LHFPL6: variants seen among roughly 807,000 people sequenced by gnomAD.
The protein encoded by LHFPL6 is LHFPL tetraspan subfamily member 6 protein.
A neutral mutation model predicts 20.6 loss-of-function variants in LHFPL6; 9 were observed. The ratio of observed to expected loss-of-function variants is 0.44; its 90% CI spans 0.26 to 0.76. The LOEUF is 0.76. LHFPL6 is among the 30% of genes least tolerant of loss of function. LHFPL6 has a pLI of 0.20. For missense variants in LHFPL6, 218 were observed against 253.5 expected (o/e 0.86, Z 0.95); for synonymous variants, 105 against 98.7 (o/e 1.06, Z -0.38).
rs139531922 is a variant in LHFPL6 at position 39,566,777 on chromosome 13, T to C, written c.385+34055A>G. Among the ~76,000 whole-genome samples the C allele has an allele frequency of 1.6e-3, 236 of 148,678 alleles. 3 individuals carry two copies. Among genetic ancestry groups the C allele is most frequent in the Middle Eastern group, 7.1e-3 (2 of 282 alleles). Reference sequence around the variant, plus strand: ...AAAAAAAAATTTGCTTTAAAGGGCATTGTAGGAAAATTGAAAGTGACCTCT... The same window carrying C: ...AAAAAAAAATTTGCTTTAAAGGGCACTGTAGGAAAATTGAAAGTGACCTCT... On this transcript the variant is annotated intron_variant, in intron 2 of 3. Coordinates refer to ENST00000379589, the MANE Select transcript of LHFPL6 (RefSeq NM_005780.3).
chr13:39,583,972 C>A (rs1395468281), intron 2 of LHFPL6, among the ~76,000 whole-genome samples: 1 of 152,124 alleles, frequency 6.6e-6, no homozygotes, highest in Non-Finnish European at 1.5e-5. Flanking sequence ...CCTCCTCCTC[C>A]GTGTCAGGCC....
intron 2 of LHFPL6, among the ~76,000 whole-genome samples, chr13:39,451,222 GA>G (rs1872437758): frequency 6.6e-6 from 1 of 152,108 alleles, no homozygotes; most frequent in Non-Finnish European, 1.5e-5. Flanking sequence ...ATAGTTTACA[GA>G]GTCAATGGAA....
At chr13:39,599,896 A>G (rs186352853) in intron 2 of LHFPL6, among the ~76,000 whole-genome samples, 1 of 152,360 alleles carries the variant, frequency 6.6e-6, no homozygotes, top group Admixed American at 6.5e-5. Context: ...CTTTGTAATG[A>G]AGTTCCAAAT....
chr13:39,445,979 TAGAAGG>T (rs1447422770), intron 2 of LHFPL6, among the ~76,000 whole-genome samples: 2 of 152,190 alleles, frequency 1.3e-5, no homozygotes, highest in Non-Finnish European at 2.9e-5. Flanking sequence ...CTAATAATCT[TAGAAGG>T]AGAATTAAAA....
chr13:39,383,437 T>A (rs1332197562), intron 2 of LHFPL6, among the ~76,000 whole-genome samples: 1 of 152,210 alleles, frequency 6.6e-6, no homozygotes, highest in East Asian at 1.9e-4. Flanking sequence ...TAAATACAAC[T>A]CAAAAATTCA....
At chr13:39,345,797 A>C (rs1194431470) in intron 3 of LHFPL6, among the ~76,000 whole-genome samples, 1 of 152,116 alleles carries the variant, frequency 6.6e-6, no homozygotes, top group Non-Finnish European at 1.5e-5. Context: ...GACCAGCTGC[A>C]CTTGTCTGTA....
intron 2 of LHFPL6, among the ~76,000 whole-genome samples, chr13:39,386,376 C>T (rs1019897818): frequency 6.6e-6 from 1 of 151,762 alleles, no homozygotes; most frequent in African/African-American, 2.4e-5. Flanking sequence ...ATTCTTTAGT[C>T]TACAAAAAAA....
chr13:39,579,097 TG>T (rs1485625418), intron 2 of LHFPL6, among the ~76,000 whole-genome samples: 1 of 152,162 alleles, frequency 6.6e-6, no homozygotes, highest in Admixed American at 6.5e-5. Flanking sequence ...CAGTAGTGCC[TG>T]GGGTAACACT....
rs554493415 is a variant in LHFPL6 at position 39,513,295 on chromosome 13, T to C, written c.385+87537A>G. ...CCCTTCTTATAAAATTACATGGGAT[T>C]CTGACCTAAAACAATTATTGTGTTC... On this transcript the variant is annotated intron_variant, in intron 2 of 3. Transcript: ENST00000379589. Among the ~76,000 whole-genome samples the C allele has an allele frequency of 1.6e-3, 239 of 152,352 alleles. 1 individual carries two copies. Among genetic ancestry groups the C allele is most frequent in the African/African-American group, 5.6e-3 (232 of 41,578 alleles).
chr13:39,536,342 T>G (rs1027192464), intron 2 of LHFPL6, among the ~76,000 whole-genome samples: 1 of 152,076 alleles, frequency 6.6e-6, no homozygotes, highest in Non-Finnish European at 1.5e-5. Flanking sequence ...ACCACTCAGA[T>G]CTCCCTTCGA....
chr13:39,493,400 T>C (rs1342318079), intron 2 of LHFPL6, among the ~76,000 whole-genome samples: 1 of 152,004 alleles, frequency 6.6e-6, no homozygotes, highest in Non-Finnish European at 1.5e-5. Context: ...ACAGTAAGAC[T>C]GCTAAAAGGC....
At chr13:39,581,209 TC>T (rs1420780960) in intron 2 of LHFPL6, among the ~76,000 whole-genome samples, 1 of 152,164 alleles carries the variant, frequency 6.6e-6, no homozygotes, top group African/African-American at 2.4e-5. Flanking sequence ...CATCTTAGAA[TC>T]CCATCAGATT....
intron 2 of LHFPL6, among the ~76,000 whole-genome samples, chr13:39,497,811 A>C (rs1448051594): frequency 6.6e-6 from 1 of 152,180 alleles, no homozygotes. Context: ...CAGAGATGAC[A>C]GTAATAGCAT....
chr13:39,499,879 G>A (rs546201661), intron 2 of LHFPL6, among the ~76,000 whole-genome samples: 289 of 152,340 alleles, frequency 1.9e-3, no homozygotes, highest in African/African-American at 6.8e-3. Context: ...GTCACGTGCA[G>A]CTGAAACGGT....
chr13:39,347,761 G>A (rs892121530), intron 3 of LHFPL6, among the ~76,000 whole-genome samples: 1 of 152,182 alleles, frequency 6.6e-6, no homozygotes, highest in African/African-American at 2.4e-5. Context: ...ACACCTATGA[G>A]GGGGAATTAA....
chr13:39,599,309 T>C (rs1438882121), intron 2 of LHFPL6, among the ~76,000 whole-genome samples: 3 of 152,236 alleles, frequency 2.0e-5, no homozygotes, highest in East Asian at 1.9e-4. Flanking sequence ...ACTTTATTCT[T>C]ACAGAAAAAA....
chr13:39,398,311 T>G (rs1250394728), intron 2 of LHFPL6, among the ~76,000 whole-genome samples: 1 of 152,230 alleles, frequency 6.6e-6, no homozygotes, highest in Non-Finnish European at 1.5e-5. Flanking sequence ...TAAGAAAGAA[T>G]AGTAAATTTC....
chr13:39,572,769 T>C (rs1435794815), intron 2 of LHFPL6, among the ~76,000 whole-genome samples: 1 of 152,140 alleles, frequency 6.6e-6, no homozygotes, highest in Non-Finnish European at 1.5e-5. Flanking sequence ...TGAGTTTGCA[T>C]ACCCAAGCCA....
chr13:39,374,111 A>T (rs1870225867), intron 3 of LHFPL6, among the ~76,000 whole-genome samples: 1 of 152,206 alleles, frequency 6.6e-6, no homozygotes, highest in African/African-American at 2.4e-5. Context: ...AATAGCAAGG[A>T]CATGGAATTA....
Sources: gnomAD v4.1 joint callset for allele counts (sites outside exome capture counted in the v4.1 genomes callset) on GRCh38, gnomAD v4.1.1 for gene constraint, MANE v1.5 for transcripts, NCBI Gene and HGNC (gene_info 2026-07-23, HGNC 2026-07-21) for gene names.